Variants in GOPC observed in about 807,000 individuals in gnomAD.
The protein encoded by GOPC is Golgi-associated PDZ and coiled-coil motif-containing protein.
A neutral mutation model predicts 51.2 loss-of-function variants in GOPC; 32 were observed. The ratio of observed to expected loss-of-function variants is 0.63; its 90% CI spans 0.47 to 0.84. GOPC has a LOEUF of 0.84. Among genes scored for constraint, GOPC ranks in the 40% least tolerant of loss-of-function variants. The pLI, the probability that GOPC is intolerant of heterozygous loss-of-function variation, is 0.00. For missense variants in GOPC, 441 were observed against 555.5 expected, an observed-to-expected ratio of 0.79 and a Z score of 2.07; for synonymous variants, 190 against 205.1, an observed-to-expected ratio of 0.93 and a Z score of 0.63.
intron 1 of GOPC, among the ~76,000 whole-genome samples, chr6:117,590,915 T>C (rs1780107268): frequency 6.6e-6 from 1 of 152,212 alleles, no homozygotes; most frequent in South Asian, 2.1e-4. Context: ...TGCAGTGGCA[T>C]GATCCCAGCT....
intron 2 of GOPC, among the ~76,000 whole-genome samples, chr6:117,577,912 G>A (rs192042555): frequency 4.6e-5 from 7 of 152,118 alleles, no homozygotes; most frequent in East Asian, 1.9e-4. Flanking sequence ...TAACACATCA[G>A]TACTAGGAAC....
At chr6:117,601,898 C>T in intron 1 of GOPC, 106 bp downstream of exon 1, 2 of 1,270,900 alleles carry the variant, frequency 1.6e-6, no homozygotes, top group Non-Finnish European at 2.2e-6. Flanking sequence ...ATTTGAAGCC[C>T]CGGTGGGCAG....
intron 1 of GOPC, among the ~76,000 whole-genome samples, chr6:117,589,389 G>C (rs539011310): frequency 2.0e-4 from 31 of 152,228 alleles, no homozygotes; most frequent in African/African-American, 7.5e-4. Context: ...GTGCAATCTC[G>C]GCTCACTGCA....
intron 1 of GOPC, among the ~76,000 whole-genome samples, chr6:117,600,720 A>C (rs1366923011): frequency 1.3e-5 from 2 of 152,244 alleles, no homozygotes; most frequent in Non-Finnish European, 2.9e-5. Context: ...CAATTTCACT[A>C]TCTGAGAAAA....
chr6:117,570,972 AAG>A lies in GOPC; in HGVS notation c.817-19_817-18del, dbSNP rs777948362. ...ATCTTGATCCTTATTGGGAGGAAAA[AAG>A]AAGAAAAAGTAGTATCATTTAAATA... is the stretch of plus-strand genomic sequence containing the variant. On this transcript the variant is annotated intron_variant, in intron 5 of 8. Coordinates refer to ENST00000368498, the MANE Select transcript of GOPC (RefSeq NM_020399.4). The A allele has an allele frequency of 4.7e-6, 6 of 1,290,156 alleles. 1 individual carries two copies. Among genetic ancestry groups the A allele is most frequent in the Admixed American group, 1.8e-5 (1 of 54,952 alleles). The allele number at this position is 1,290,156 out of a possible 1,614,324, so 79.9% of individuals were successfully genotyped here.
intron 8 of GOPC, among the ~76,000 whole-genome samples, chr6:117,563,669 CT>C (rs1480084153): frequency 1.3e-5 from 2 of 151,372 alleles, no homozygotes; most frequent in African/African-American, 4.9e-5. Flanking sequence ...TTGCAGTGAG[CT>C]GAGATCGTAC....
intron 7 of GOPC, among the ~76,000 whole-genome samples, chr6:117,567,564 T>A (rs897561623): frequency 2.0e-5 from 3 of 152,122 alleles, no homozygotes; most frequent in Non-Finnish European, 2.9e-5. Flanking sequence ...TGTTTCTTAT[T>A]CAATAGGTCT....
At chr6:117,573,712 T>C in intron 4 of GOPC, 80 bp from the exon 5 acceptor site, 1 of 1,187,628 alleles carries the variant, frequency 8.4e-7, no homozygotes. Context: ...TGAACATAAG[T>C]AGCTTTTGCA....
intron 1 of GOPC, among the ~76,000 whole-genome samples, chr6:117,591,657 G>A (rs989742518): frequency 6.6e-6 from 1 of 152,114 alleles, no homozygotes; most frequent in Non-Finnish European, 1.5e-5. Context: ...GAAAGTACAG[G>A]TGCCATAAAA....
intron 2 of GOPC, among the ~76,000 whole-genome samples, chr6:117,578,522 T>C (rs1779914901): frequency 1.3e-5 from 2 of 152,040 alleles, no homozygotes; most frequent in African/African-American, 2.4e-5. Context: ...TCAGATTTCA[T>C]TTCAGAGAAA....
chr6:117,568,438 T>C (rs1378168037), intron 7 of GOPC, among the ~76,000 whole-genome samples: 3 of 152,234 alleles, frequency 2.0e-5, no homozygotes, highest in Admixed American at 2.0e-4. Flanking sequence ...AATTTTAATA[T>C]GTGCTTAGTT....
At chr6:117,593,861 T>C (rs1780154469) in intron 1 of GOPC, among the ~76,000 whole-genome samples, 1 of 152,218 alleles carries the variant, frequency 6.6e-6, no homozygotes, top group African/African-American at 2.4e-5. Context: ...AATCCATCTC[T>C]AGGTTTTTTT....
intron 1 of GOPC, among the ~76,000 whole-genome samples, chr6:117,594,787 G>C (rs192120293): frequency 6.6e-6 from 1 of 152,290 alleles, no homozygotes; most frequent in South Asian, 2.1e-4. Context: ...TACTAACAGA[G>C]CAATTGCTGA....
At chr6:117,586,371 T>A (rs1185335308) in intron 1 of GOPC, among the ~76,000 whole-genome samples, 1 of 152,122 alleles carries the variant, frequency 6.6e-6, no homozygotes, top group Admixed American at 6.5e-5. Context: ...CTTTACAGAT[T>A]ATGCAAATCC....
chr6:117,573,703 G>T (rs1036383018), intron 4 of GOPC, 71 bp from the exon 5 acceptor site: 3 of 1,275,166 alleles, frequency 2.4e-6, no homozygotes, highest in Admixed American at 2.4e-5. Context: ...GAAAATTAGT[G>T]AACATAAGTA....
chr6:117,570,909 T>C lies in GOPC; in HGVS notation c.863A>G (p.Lys288Arg), dbSNP rs1779795801. 6.2e-7 allele frequency: 1 copy of C among 1,600,256 alleles called. No homozygotes were observed. Among genetic ancestry groups the C allele is most frequent in the Non-Finnish European group, 8.5e-7 (1 of 1,170,886 alleles). Residue 288 changes from lysine to arginine, a missense_variant, in exon 6 of 9, where the codon AAA becomes AGA. Transcript: ENST00000368498. Reference protein sequence around the residue: ...KKSQGVGPIRKVLLLKEDHEG... With the variant: ...KKSQGVGPIRRVLLLKEDHEG... ...ATGATCTTCCTTAAGGAGGAGAACT[T>C]TTCTAATTGGACCAACACCTTGGCT...
At chr6:117,573,819 T>C (rs1040637523) in intron 4 of GOPC, among the ~76,000 whole-genome samples, 187 bp from the exon 5 acceptor site, 1 of 151,982 alleles carries the variant, frequency 6.6e-6, no homozygotes, top group Non-Finnish European at 1.5e-5. Context: ...ACAGGTATCC[T>C]CAAGGGAAAA....
chr6:117,577,325 T>TA (rs1779897523), intron 3 of GOPC, 123 bp downstream of exon 3: 2 of 851,664 alleles, frequency 2.3e-6, no homozygotes, highest in African/African-American at 3.5e-5. Flanking sequence ...ACTGGAACAT[T>TA]AAAAAATTGC....
chr6:117,590,432 C>T (rs373795519), intron 1 of GOPC, among the ~76,000 whole-genome samples: 13 of 151,612 alleles, frequency 8.6e-5, no homozygotes, highest in South Asian at 2.1e-4. Flanking sequence ...ATTAGCTGGG[C>T]GTGGTGGTAT....
Sources: gnomAD v4.1 joint callset for allele counts (sites outside exome capture counted in the v4.1 genomes callset) on GRCh38, gnomAD v4.1.1 for gene constraint, MANE v1.5 for transcripts, NCBI Gene and HGNC (gene_info 2026-07-23, HGNC 2026-07-21) for gene names.